Variants in CBX5 observed in about 807,000 individuals in gnomAD.
CBX5 encodes the protein chromobox protein homolog 5.
CBX5 carries 7 observed loss-of-function variants against 20.7 expected under a neutral mutation model. That is an observed-to-expected ratio of 0.34 (90% CI 0.19 to 0.63). The LOEUF (loss-of-function observed/expected upper bound fraction) is 0.63, where lower values mean the gene tolerates loss of function less well. Ranked by LOEUF, CBX5 falls within the 30% of genes least tolerant of loss-of-function variation. The pLI, the probability that CBX5 is intolerant of heterozygous loss-of-function variation, is 0.75. For missense variants in CBX5, 110 were observed against 224.1 expected, an observed-to-expected ratio of 0.49 and a Z score of 3.25; for synonymous variants, 78 against 77.0, an observed-to-expected ratio of 1.01 and a Z score of -0.07.
chr12:54,250,677 C>T (rs1490984177), intron 3 of CBX5, among the ~76,000 whole-genome samples: 2 of 148,088 alleles, frequency 1.4e-5, no homozygotes, highest in Non-Finnish European at 3.0e-5. Flanking sequence ...CGGTGGCGGG[C>T]GCCTGTAGTC....
intron 1 of CBX5, among the ~76,000 whole-genome samples, chr12:54,267,186 A>G (rs547117491): frequency 3.3e-5 from 5 of 152,368 alleles, no homozygotes; most frequent in South Asian, 2.1e-4. Context: ...CAATTTCATC[A>G]TAAGTAAATC....
intron 3 of CBX5, among the ~76,000 whole-genome samples, chr12:54,251,526 A>G (rs1943802945): frequency 6.6e-6 from 1 of 150,710 alleles, no homozygotes; most frequent in Non-Finnish European, 1.5e-5. Context: ...CAAAAAAAAA[A>G]AAAAAAAAAA....
chr12:54,270,834 T>A (rs1253670375), intron 1 of CBX5, among the ~76,000 whole-genome samples: 1 of 152,164 alleles, frequency 6.6e-6, no homozygotes, highest in African/African-American at 2.4e-5. Flanking sequence ...AGAGGATCAC[T>A]TGAGCCCAGG....
intron 1 of CBX5, among the ~76,000 whole-genome samples, chr12:54,269,921 G>C (rs1424154238): frequency 6.6e-6 from 1 of 152,060 alleles, no homozygotes; most frequent in Non-Finnish European, 1.5e-5. Flanking sequence ...TTGTCTTCAA[G>C]GAAGTTACTA....
chr12:54,245,912 A>G (rs1314338044), intron 4 of CBX5, among the ~76,000 whole-genome samples: 2 of 152,212 alleles, frequency 1.3e-5, no homozygotes, highest in African/African-American at 4.8e-5. Context: ...CAGGAGGCGG[A>G]GGCTGCAGTG....
At chr12:54,252,699 G>C (rs1943818516) in intron 2 of CBX5, among the ~76,000 whole-genome samples, 1 of 152,096 alleles carries the variant, frequency 6.6e-6, no homozygotes, top group South Asian at 2.1e-4. Context: ...ACAGAAAGCA[G>C]ATCAGCCGGG....
intron 1 of CBX5, among the ~76,000 whole-genome samples, chr12:54,275,831 C>T (rs1944058977): frequency 6.6e-6 from 1 of 151,716 alleles, no homozygotes; most frequent in South Asian, 2.1e-4. Flanking sequence ...CATGGAGAAA[C>T]CCCGTCTCTA....
chr12:54,266,437 T>C (rs1037888092), intron 1 of CBX5, among the ~76,000 whole-genome samples: 2 of 152,114 alleles, frequency 1.3e-5, no homozygotes. Flanking sequence ...TAAAAACATA[T>C]ACTTGGCTGG....
intron 1 of CBX5, chr12:54,262,963 G>C (rs1422348387): frequency 6.6e-6 from 1 of 152,238 alleles, no homozygotes. Context: ...AATTTCTGGA[G>C]TCTTTCAGGC....
rs186032125 is a variant in CBX5 at position 54,251,193 on chromosome 12, G to A, written c.324+848C>T. ...TTCAAAGCCCCGGCTGGGCATGGTG[G>A]CTCACGTCTATAATCTCAACACTTT... On this transcript the variant is annotated intron_variant, in intron 3 of 4. Transcript: ENST00000209875. Among the ~76,000 whole-genome samples the A allele has an allele frequency of 2.0e-3, 305 of 151,736 alleles. 1 individual carries two copies. Among genetic ancestry groups the A allele is most frequent in the African/African-American group, 7.0e-3 (291 of 41,362 alleles).
intron 2 of CBX5, among the ~76,000 whole-genome samples, chr12:54,256,500 TA>T (rs1448545514): frequency 6.6e-6 from 1 of 152,202 alleles, no homozygotes; most frequent in Non-Finnish European, 1.5e-5. Flanking sequence ...TATCCAAAAG[TA>T]TTGGTAAACC....
At chr12:54,278,453 TCTC>T (rs1186137772) in intron 1 of CBX5, among the ~76,000 whole-genome samples, 1 of 152,194 alleles carries the variant, frequency 6.6e-6, no homozygotes, top group Admixed American at 6.5e-5. Flanking sequence ...CATGGAAATC[TCTC>T]CTCTGTTCAT....
At chr12:54,271,600 A>G (rs934746120) in intron 1 of CBX5, among the ~76,000 whole-genome samples, 4 of 152,262 alleles carry the variant, frequency 2.6e-5, no homozygotes, top group Non-Finnish European at 4.4e-5. Flanking sequence ...CTGGGATTAC[A>G]GGCGTGAGCC....
chr12:54,231,563 G>C lies in CBX5; in HGVS notation c.*10192C>G, dbSNP rs1466897166. The C allele has an allele frequency of 1.3e-5, 2 of 154,168 alleles. No individual in the cohort carries two copies. Among genetic ancestry groups the C allele is most frequent in the African/African-American group, 4.8e-5 (2 of 41,502 alleles). 9.6% of individuals were successfully genotyped at this position (154,168 alleles called of 1,614,324 possible). A position where few individuals can be genotyped will look rare whatever the true frequency, so the allele number is the denominator to read the frequency against. ...ATTACAAATCTAGGGCCAAGGAGAG[G>C]GAAAGCAGAAAGAGCCCTATTGGGA... is the stretch of plus-strand genomic sequence containing the variant. On this transcript the variant is annotated 3_prime_UTR_variant, in exon 5 of 5. Transcript: ENST00000209875.
chr12:54,268,575 AT>A (rs1943979407), intron 1 of CBX5, among the ~76,000 whole-genome samples: 1 of 152,190 alleles, frequency 6.6e-6, no homozygotes, highest in Non-Finnish European at 1.5e-5. Context: ...TAATATAGTA[AT>A]TCTGATCCTT....
chr12:54,249,364 CA>C (rs1265284025), intron 3 of CBX5, among the ~76,000 whole-genome samples: 13 of 106,522 alleles, frequency 1.2e-4, no homozygotes, highest in East Asian at 2.7e-4. Flanking sequence ...GACTATGTCT[CA>C]AAAAAAAAAG....
chr12:54,279,219 TAG>T (rs1944102669), intron 1 of CBX5, among the ~76,000 whole-genome samples: 1 of 152,162 alleles, frequency 6.6e-6, no homozygotes, highest in Non-Finnish European at 1.5e-5. Flanking sequence ...TGACAGTACA[TAG>T]AGATTTCTCC....
intron 4 of CBX5, among the ~76,000 whole-genome samples, chr12:54,245,236 C>T (rs894003142): frequency 6.6e-6 from 1 of 151,934 alleles, no homozygotes. Flanking sequence ...GCCTCGAACT[C>T]CTGACCCCAA....
chr12:54,232,553 A>G lies in CBX5; in HGVS notation c.*9202T>C, dbSNP rs1249071780. The G allele has an allele frequency of 2.0e-5, 3 of 152,214 alleles. No individual in the cohort carries two copies. The highest frequency in any genetic ancestry group is 4.4e-5 in the Non-Finnish European group (3 of 68,048). The allele number at this position is 152,214 out of a possible 1,614,324, so 9.4% of individuals were successfully genotyped here. Reference sequence around the variant, plus strand: ...TTATCAATCAGTTGAGGAGGTGGGCACACAGAGTCAGCATCCACTCGATTC... The same window carrying G: ...TTATCAATCAGTTGAGGAGGTGGGCGCACAGAGTCAGCATCCACTCGATTC... On this transcript the variant is annotated 3_prime_UTR_variant, in exon 5 of 5. Transcript: ENST00000209875.
Sources: allele counts gnomAD v4.1 joint callset (sites outside exome capture counted in the v4.1 genomes callset), GRCh38; gene constraint gnomAD v4.1.1; transcripts MANE v1.5; gene names NCBI Gene and HGNC (gene_info 2026-07-23, HGNC 2026-07-21).